Variants in MEMO1 observed in about 807,000 individuals in gnomAD.
The protein encoded by MEMO1 is mediator of cell motility 1.
Under a neutral mutation model 45.2 loss-of-function variants are expected in MEMO1, and 6 were observed. The observed-to-expected ratio is 0.13, with a 90% CI of 0.07 to 0.26. The LOEUF is 0.26. MEMO1 is among the 10% of genes least tolerant of loss of function. The pLI is 1.00. For missense variants in MEMO1, 184 were observed against 370.5 expected, an observed-to-expected ratio of 0.50 and a Z score of 4.13; for synonymous variants, 78 against 124.3, an observed-to-expected ratio of 0.63 and a Z score of 2.48.
chr2:31,964,265 GTTTT>G (rs201061184), intron 2 of MEMO1, among the ~76,000 whole-genome samples: 1 of 147,602 alleles, frequency 6.8e-6, no homozygotes, highest in Non-Finnish European at 1.5e-5. Flanking sequence ...CACAAACACA[GTTTT>G]TTTTTTAATG....
At chr2:31,939,497 C>T (rs1363739754) in intron 3 of MEMO1, among the ~76,000 whole-genome samples, 2 of 152,118 alleles carry the variant, frequency 1.3e-5, no homozygotes, top group Non-Finnish European at 2.9e-5. Flanking sequence ...AGTCTGGCTA[C>T]TTTTTTATGA....
intron 2 of MEMO1, among the ~76,000 whole-genome samples, chr2:31,998,458 TCTAA>T (rs1572937478): frequency 1.3e-5 from 2 of 152,144 alleles, no homozygotes; most frequent in East Asian, 3.9e-4. Flanking sequence ...ACCTCTTTTG[TCTAA>T]CTATTCTCAT....
chr2:31,882,814 T>C (rs1675612922), intron 8 of MEMO1, among the ~76,000 whole-genome samples: 1 of 152,142 alleles, frequency 6.6e-6, no homozygotes, highest in South Asian at 2.1e-4. Context: ...TTTCAGGTTA[T>C]TTACTTCAAG....
At chr2:31,904,464 A>C (rs1210066098) in intron 6 of MEMO1, among the ~76,000 whole-genome samples, 1 of 152,206 alleles carries the variant, frequency 6.6e-6, no homozygotes, top group Non-Finnish European at 1.5e-5. Context: ...CTTTGGGCAG[A>C]AATACTATGT....
intron 2 of MEMO1, among the ~76,000 whole-genome samples, chr2:31,981,689 T>A (rs1045506758): frequency 6.6e-6 from 1 of 152,156 alleles, no homozygotes; most frequent in Admixed American, 6.5e-5. Context: ...ATTCAAGACT[T>A]AACTTCACTC....
At chr2:32,007,400 G>A (rs1193702034) in intron 2 of MEMO1, among the ~76,000 whole-genome samples, 1 of 152,000 alleles carries the variant, frequency 6.6e-6, no homozygotes, top group Non-Finnish European at 1.5e-5. Context: ...TGCCCTAAAA[G>A]TTCTTACTTA....
At chr2:31,868,756 T>C (rs535573150) in intron 9 of MEMO1, among the ~76,000 whole-genome samples, 1 of 152,310 alleles carries the variant, frequency 6.6e-6, no homozygotes, top group African/African-American at 2.4e-5. Flanking sequence ...AATAAGGCCA[T>C]TTTTTAAACC....
intron 8 of MEMO1, among the ~76,000 whole-genome samples, chr2:31,881,979 T>G (rs1675450121): frequency 6.6e-6 from 1 of 151,988 alleles, no homozygotes; most frequent in African/African-American, 2.4e-5. Flanking sequence ...ACCCTGTCTT[T>G]ACAAAAAATA....
intron 8 of MEMO1, among the ~76,000 whole-genome samples, chr2:31,872,787 A>C (rs1673976670): frequency 6.6e-6 from 1 of 152,196 alleles, no homozygotes; most frequent in African/African-American, 2.4e-5. Context: ...CTCAGCTGAC[A>C]CAAGTGATGG....
chr2:31,967,001 G>T (rs983930817), intron 2 of MEMO1, among the ~76,000 whole-genome samples: 2 of 151,956 alleles, frequency 1.3e-5, no homozygotes, highest in African/African-American at 4.8e-5. Context: ...TTCTATAAAG[G>T]ACAGAAATAG....
At chr2:31,923,824 G>T in intron 4 of MEMO1, 2 of 1,390,106 alleles carry the variant, frequency 1.4e-6, no homozygotes, top group South Asian at 3.3e-5. Context: ...GTGTAATAAG[G>T]TTCTAACAAT....
At chr2:32,004,426 T>C (rs1480076358) in intron 2 of MEMO1, among the ~76,000 whole-genome samples, 2 of 152,080 alleles carry the variant, frequency 1.3e-5, no homozygotes, top group African/African-American at 4.8e-5. Context: ...GAAAAAATGC[T>C]CAACTTCATT....
At chr2:31,919,231 C>G (rs1269906783) in intron 5 of MEMO1, among the ~76,000 whole-genome samples, 2 of 151,956 alleles carry the variant, frequency 1.3e-5, no homozygotes, top group African/African-American at 4.8e-5. Flanking sequence ...TCACTGAAAC[C>G]TCTACCTCCG....
At chr2:31,919,804 C>T (rs114449407) in intron 5 of MEMO1, among the ~76,000 whole-genome samples, 11,826 of 151,900 alleles carry the variant, frequency 0.078, 541 homozygotes, top group Middle Eastern at 0.14. Context: ...GCCTGGGCAA[C>T]GGAGTGAGAC....
At chr2:32,003,118 CTTT>C (rs1308379551) in intron 2 of MEMO1, among the ~76,000 whole-genome samples, 2 of 152,088 alleles carry the variant, frequency 1.3e-5, no homozygotes, top group Non-Finnish European at 2.9e-5. Flanking sequence ...GACACTCTAT[CTTT>C]TTTTAATCCA....
chr2:31,918,728 A>C (rs1681845858), intron 5 of MEMO1, among the ~76,000 whole-genome samples: 1 of 152,204 alleles, frequency 6.6e-6, no homozygotes, highest in African/African-American at 2.4e-5. Context: ...GAACAAGAAA[A>C]AGATAAAAGT....
intron 2 of MEMO1, among the ~76,000 whole-genome samples, chr2:31,956,412 CA>C (rs1667420437): frequency 6.6e-6 from 1 of 151,712 alleles, no homozygotes; most frequent in Non-Finnish European, 1.5e-5. Flanking sequence ...ATTTCTACCA[CA>C]AAACAGATTT....
chr2:31,917,119 C>T (rs1385631252), intron 6 of MEMO1, among the ~76,000 whole-genome samples: 3 of 152,112 alleles, frequency 2.0e-5, no homozygotes, highest in South Asian at 2.1e-4. Context: ...TTACTGAGAG[C>T]GTACAGAGCA....
intron 6 of MEMO1, among the ~76,000 whole-genome samples, chr2:31,894,948 G>T (rs370942142): frequency 2.8e-4 from 43 of 152,222 alleles, no homozygotes; most frequent in African/African-American, 1.0e-3. Flanking sequence ...TTTAGGTACA[G>T]CCTTCAACCA....
Sources: allele counts gnomAD v4.1 joint callset (sites outside exome capture counted in the v4.1 genomes callset), GRCh38; gene constraint gnomAD v4.1.1; transcripts MANE v1.5; gene names NCBI Gene and HGNC (gene_info 2026-07-23, HGNC 2026-07-21).